Variants in INSR observed in about 807,000 individuals in gnomAD.
The protein encoded by INSR is IR.
A neutral mutation model predicts 142.6 loss-of-function variants in INSR; 67 were observed. The ratio of observed to expected loss-of-function variants is 0.47; its 90% CI spans 0.39 to 0.58. The LOEUF (loss-of-function observed/expected upper bound fraction) is 0.58, where lower values mean the gene tolerates loss of function less well. Ranked by LOEUF, INSR falls within the 20% of genes least tolerant of loss-of-function variation. The probability of loss-of-function intolerance (pLI) is 0.00; values close to 1 mark genes in which losing one functional copy is unlikely to be tolerated. For synonymous variants in INSR, 756 were observed against 743.1 expected, an observed-to-expected ratio of 1.02 and a Z score of -0.28; for missense variants, 1,248 against 1,833.2, an observed-to-expected ratio of 0.68 and a Z score of 5.83.
In INSR at chr19:7,163,104, T is replaced by G; in HGVS notation, c.1957A>C (p.Thr653Pro). ...KPPSDPNGNITHYLVFWERQA... is the reference protein window; with the variant it reads ...KPPSDPNGNIPHYLVFWERQA... ...CTCTCCCAGAAAACCAGGTAGTGGG[T>G]GATGTTGCCATTGGGGTCGGAGGGT... The change falls in exon 9 of 22, where the codon ACC becomes CCC. Residue 653 changes from threonine to proline, a missense_variant. This residue lies in a region of INSR where 1,069 missense variants were observed against 1,654.0 expected (regional missense o/e 0.65). Coordinates refer to ENST00000302850, the MANE Select transcript of INSR (RefSeq NM_000208.4). 1 of 1,613,962 alleles carries G rather than the reference T, an allele frequency of 6.2e-7. No individual in the cohort carries two copies. The highest frequency in any genetic ancestry group is 8.5e-7 in the Non-Finnish European group (1 of 1,179,974).
At chr19:7,152,632 TG>T in intron 10 of INSR, 93 bp downstream of exon 10, 1 of 1,023,516 alleles carries the variant, frequency 9.8e-7, no homozygotes, top group Non-Finnish European at 1.5e-6. Context: ...CTGCCGTCTC[TG>T]GGTCCCACTA....
chr19:7,157,028 C>A (rs997618832), intron 9 of INSR, among the ~76,000 whole-genome samples: 3 of 151,132 alleles, frequency 2.0e-5, no homozygotes, highest in South Asian at 4.2e-4. Flanking sequence ...TTGCCCAGGC[C>A]GGACTGCAGT....
At chr19:7,265,096 A>G (rs1215900548) in intron 2 of INSR, among the ~76,000 whole-genome samples, 1 of 152,140 alleles carries the variant, frequency 6.6e-6, no homozygotes, top group African/African-American at 2.4e-5. Flanking sequence ...TCCCACCTCC[A>G]TCGCATGTTC....
chr19:7,151,132 C>CCTTTCTTTTTTCTCTTTCCTTTCTTT (rs1568447190), intron 10 of INSR, among the ~76,000 whole-genome samples: 11 of 137,336 alleles, frequency 8.0e-5, no homozygotes, highest in African/African-American at 3.0e-4. Flanking sequence ...CTTTCTCTGT[C>CCTTTCTTTTTTCTCTTTCCTTTCTTT]CTTTCTTTCT....
intron 5 of INSR, 72 bp downstream of exon 5, chr19:7,172,218 A>T (rs1974031723): frequency 4.4e-6 from 7 of 1,581,314 alleles, no homozygotes; most frequent in Admixed American, 1.7e-5. Flanking sequence ...GGCCAAAAAA[A>T]TCCTTAAGTT....
At chr19:7,163,464 G>A (rs1973810522) in intron 8 of INSR, among the ~76,000 whole-genome samples, 1 of 152,032 alleles carries the variant, frequency 6.6e-6, no homozygotes, top group Non-Finnish European at 1.5e-5. Flanking sequence ...GGAGGCTGAG[G>A]CAGGAGAATG....
At chr19:7,252,273 G>A (rs913550007) in intron 2 of INSR, among the ~76,000 whole-genome samples, 2 of 152,058 alleles carry the variant, frequency 1.3e-5, no homozygotes, top group Non-Finnish European at 2.9e-5. Context: ...GTAGCCAGGC[G>A]TGGTGGTGTT....
chr19:7,278,998 G>A (rs1377900282), intron 1 of INSR, among the ~76,000 whole-genome samples: 2 of 152,056 alleles, frequency 1.3e-5, no homozygotes, highest in African/African-American at 4.8e-5. Flanking sequence ...GGATGGTGGT[G>A]CACACCTGTA....
intron 2 of INSR, among the ~76,000 whole-genome samples, chr19:7,198,718 G>A (rs951202222): frequency 1.3e-5 from 2 of 152,128 alleles, no homozygotes. Flanking sequence ...CCCAGAAAAC[G>A]AGAACCATAC....
intron 2 of INSR, among the ~76,000 whole-genome samples, chr19:7,207,901 AAAGG>A (rs35679001): frequency 0.043 from 3,138 of 72,776 alleles, 136 homozygotes; most frequent in African/African-American, 0.12. Flanking sequence ...GGAAGGAAGG[AAAGG>A]AAGGAAGGAA....
intron 6 of INSR, among the ~76,000 whole-genome samples, chr19:7,170,218 G>A (rs1375138003): frequency 6.6e-6 from 1 of 151,828 alleles, no homozygotes; most frequent in African/African-American, 2.4e-5. Flanking sequence ...TGTGAACTGT[G>A]TACATGAGGT....
Position 7,174,905 on chromosome 19 carries a change from C to T in INSR, c.975-174G>A, listed in dbSNP as rs150021817. ...TTGCCCAGGCTGGAGTGCAGTGGTG[C>T]GATCTCAGCTCACTGCAACCTCTGC... On this transcript the variant is annotated intron_variant, in intron 3 of 21. Transcript: ENST00000302850. Among the ~76,000 whole-genome samples, 152 of 152,096 alleles carry T rather than the reference C, an allele frequency of 1.0e-3. 1 individual carries two copies. In the East Asian group the frequency reaches 0.028, roughly 28 times the overall value.
chr19:7,118,715 G>A lies in INSR; in HGVS notation c.3794+734C>T, dbSNP rs181309377. Among the ~76,000 whole-genome samples, 94 of 148,956 alleles carry A rather than the reference G, an allele frequency of 6.3e-4. 1 individual carries two copies. Among genetic ancestry groups the A allele is most frequent in the African/African-American group, 2.2e-3 (89 of 40,362 alleles). On this transcript the variant is annotated intron_variant, in intron 21 of 21. Transcript: ENST00000302850. Reference sequence around the variant, plus strand: ...GGGTGGATCACGAGGTCAGGAGATCGAGACCACGGTGAAACCCCATTTCTA... The same window carrying A: ...GGGTGGATCACGAGGTCAGGAGATCAAGACCACGGTGAAACCCCATTTCTA...
intron 2 of INSR, among the ~76,000 whole-genome samples, chr19:7,236,431 G>A (rs1026534921): frequency 6.6e-6 from 1 of 152,150 alleles, no homozygotes; most frequent in Non-Finnish European, 1.5e-5. Context: ...CAACCCAAAT[G>A]TCTCTCAACA....
At chr19:7,242,691 C>A (rs542149310) in intron 2 of INSR, among the ~76,000 whole-genome samples, 1 of 132,510 alleles carries the variant, frequency 7.5e-6, no homozygotes, top group South Asian at 2.5e-4. Flanking sequence ...GAGCCAAGAT[C>A]GCACCACTGC....
intron 3 of INSR, among the ~76,000 whole-genome samples, chr19:7,176,652 A>G (rs2144966562): frequency 6.6e-6 from 1 of 152,104 alleles, no homozygotes; most frequent in South Asian, 2.1e-4. Context: ...CTCTTCCTTC[A>G]GTCATGTAAG....
chr19:7,184,691 TAAATAAATAA>T, intron 2 of INSR, 54 bp from the exon 3 acceptor site: 1 of 1,134,522 alleles, frequency 8.8e-7, no homozygotes, highest in Non-Finnish European at 1.2e-6. Context: ...AATAAATAAA[TAAATAAATAA>T]ATAAATGGCT....
chr19:7,206,110 ACAACTTCCTTTATTT>A (rs1159366718), intron 2 of INSR, among the ~76,000 whole-genome samples: 1 of 152,184 alleles, frequency 6.6e-6, no homozygotes, highest in Non-Finnish European at 1.5e-5. Context: ...AATAGCACTC[ACAACTTCCTTTATTT>A]CATGGGAAGA....
rs1476804167 is a variant in INSR, at chr19:7,141,826, G to T, written c.2543-10C>A. The T allele has an allele frequency of 1.2e-6, 2 of 1,609,954 alleles. No homozygotes were observed. The highest frequency in any genetic ancestry group is 3.3e-5 in the Admixed American group (2 of 59,996). ...ATGTCATCAGCCTTGGCTGTAAGGA[G>T]AGGAAGTGAGAGGCAGGGATGTAAC... is the stretch of plus-strand genomic sequence containing the variant. On this transcript the variant is annotated splice_polypyrimidine_tract_variant and intron_variant, in intron 12 of 21. Coordinates refer to ENST00000302850, the MANE Select transcript of INSR (RefSeq NM_000208.4).
Sources: gnomAD v4.1 joint callset for allele counts (sites outside exome capture counted in the v4.1 genomes callset) on GRCh38, gnomAD v4.1.1 for gene constraint, gnomAD v4.1.1 regional missense constraint, MANE v1.5 for transcripts, NCBI Gene and HGNC (gene_info 2026-07-23, HGNC 2026-07-21) for gene names.